TACC2: variants seen among roughly 807,000 people sequenced by gnomAD.
TACC2 encodes the protein transforming acidic coiled-coil containing protein 2, also known as transforming acidic coiled-coil-containing protein 2.
Under a neutral mutation model 227.3 loss-of-function variants are expected in TACC2, and 137 were observed. The ratio of observed to expected loss-of-function variants is 0.60; its 90% CI spans 0.52 to 0.69. The LOEUF is 0.69. TACC2 is among the 30% of genes least tolerant of loss of function. TACC2 has a pLI of 0.00. For synonymous variants in TACC2, 1,523 were observed against 1,487.5 expected, an observed-to-expected ratio of 1.02 and a Z score of -0.55; for missense variants, 3,470 against 3,694.4, an observed-to-expected ratio of 0.94 and a Z score of 1.57.
chr10:122,136,519 G>A (rs55698940), intron 6 of TACC2, among the ~76,000 whole-genome samples: 5 of 119,170 alleles, frequency 4.2e-5, no homozygotes, highest in Non-Finnish European at 9.4e-5. Context: ...ATATATATAT[G>A]TGTGTATGTA....
intron 2 of TACC2, among the ~76,000 whole-genome samples, chr10:122,031,211 G>A (rs900918632): frequency 2.6e-5 from 4 of 152,064 alleles, no homozygotes; most frequent in African/African-American, 9.7e-5. Context: ...CCCACAGAGA[G>A]GGTCTGGCTG....
chr10:122,192,725 G>A lies in TACC2; in HGVS notation c.5835-2315G>A, dbSNP rs187612812. ...AGGTGGTCCCCAGTGGAATGGGCCC[G>A]GTGGATGTGGACAGCGGTGACCAGC... On this transcript the variant is annotated intron_variant, in intron 7 of 22. Coordinates refer to ENST00000369005, the MANE Select transcript of TACC2 (RefSeq NM_206862.4). The A allele has an allele frequency of 1.4e-4, 63 of 456,692 alleles. 1 individual carries two copies. In the East Asian group the frequency reaches 3.8e-3, roughly 28 times the overall value. 28.3% of individuals were successfully genotyped at this position (456,692 alleles called of 1,614,324 possible). A position where few individuals can be genotyped will look rare whatever the true frequency, so the allele number is the denominator to read the frequency against.
At chr10:122,156,747 T>C (rs1007593435) in intron 7 of TACC2, among the ~76,000 whole-genome samples, 1 of 152,208 alleles carries the variant, frequency 6.6e-6, no homozygotes, top group Admixed American at 6.5e-5. Flanking sequence ...CTCCTCCTTC[T>C]TCCAGGTTTG....
rs1565393533 is a variant in TACC2, at chr10:122,132,709, GTCTCTACGGATCTGATA to G, written c.5675_5691del (p.Val1892GlyfsTer30). On this transcript the variant is annotated frameshift_variant, in exon 6 of 23. Coordinates refer to ENST00000369005, the MANE Select transcript of TACC2 (RefSeq NM_206862.4). LOFTEE classifies it high-confidence loss of function. ...CTACCACGGTGATGTTGTTGGCCAG[GTCTCTACGGATCTGATA>G]GCCCAGAGGTACGGTGGGGGCCCTG... is the stretch of plus-strand genomic sequence containing the variant. The G allele has an allele frequency of 6.2e-7, 1 of 1,614,190 alleles. No individual in the cohort carries two copies.
At position 122,083,151 on chromosome 10, in the gene TACC2, G is replaced by T; in HGVS notation, c.651G>T (p.Gly217=). 2 of 1,613,174 alleles carry T rather than the reference G, an allele frequency of 1.2e-6. No homozygotes were observed. Among genetic ancestry groups the T allele is most frequent in the Non-Finnish European group, 1.7e-6 (2 of 1,180,004 alleles). Residue 217 remains glycine (G), a synonymous_variant, in exon 4 of 23, where the codon GGG becomes GGT. Transcript: ENST00000369005. ...EPMKAPLCGE[G]DQPGGFESQE... is the part of the protein sequence containing the mutation. ...TGAAGGCACCGCTGTGTGGAGAGGG[G>T]GACCAGCCTGGTGGTTTTGAGTCCC...
chr10:122,005,091 T>A (rs1034564509), intron 1 of TACC2, among the ~76,000 whole-genome samples: 3 of 150,518 alleles, frequency 2.0e-5, no homozygotes, highest in Admixed American at 1.3e-4. Flanking sequence ...TTTATTTTAT[T>A]TTTTTTTTGA....
intron 1 of TACC2, among the ~76,000 whole-genome samples, chr10:122,005,683 CTTT>C (rs67744191): frequency 9.2e-5 from 10 of 108,386 alleles, no homozygotes; most frequent in African/African-American, 3.1e-4. Context: ...CGTGCCTGGC[CTTT>C]TTTTTTTTTT....
Position 122,087,442 on chromosome 10 carries a change from A to G in TACC2, c.4942A>G (p.Ser1648Gly). ...GGTTTTGACTGTGCCTGAGGCCAAC[A>G]GTGAGCCCTGGACCCTTGACACGCT... is the stretch of plus-strand genomic sequence containing the variant. The part of the protein sequence containing the change: ...REVLTVPEAN[S>G]EPWTLDTLGG... Residue 1648 changes from serine to glycine, a missense_variant, in exon 4 of 23, where the codon AGT (serine) becomes GGT (glycine). Coordinates refer to ENST00000369005, the MANE Select transcript of TACC2 (RefSeq NM_206862.4). 2.5e-6 allele frequency: 4 copies of G among 1,614,046 alleles called. No individual in the cohort carries two copies. Among genetic ancestry groups the G allele is most frequent in the East Asian group, 2.2e-5 (1 of 44,870 alleles).
intron 3 of TACC2, among the ~76,000 whole-genome samples, chr10:122,061,730 T>A (rs373212243): frequency 6.6e-6 from 1 of 152,030 alleles, no homozygotes; most frequent in African/African-American, 2.4e-5. Context: ...GAGCAAGATG[T>A]CCAGTCCAGT....
intron 8 of TACC2, among the ~76,000 whole-genome samples, chr10:122,197,388 G>A (rs114465034): frequency 0.02 from 3,069 of 152,360 alleles, 95 homozygotes; most frequent in African/African-American, 0.07. Flanking sequence ...GGGATTCCCA[G>A]TCCGACATCC....
chr10:122,190,739 C>A (rs1265860447), intron 7 of TACC2, among the ~76,000 whole-genome samples: 1 of 152,170 alleles, frequency 6.6e-6, no homozygotes, highest in Non-Finnish European at 1.5e-5. Flanking sequence ...TCTCAGGACT[C>A]TTCCCAGTGA....
intron 5 of TACC2, among the ~76,000 whole-genome samples, chr10:122,095,480 C>A (rs2137416010): frequency 6.6e-6 from 1 of 152,336 alleles, no homozygotes; most frequent in South Asian, 2.1e-4. Flanking sequence ...CACTCTGGGC[C>A]AATGTACTTC....
At chr10:122,021,787 A>G in intron 1 of TACC2, 150 bp from the exon 2 acceptor site, 1 of 589,494 alleles carries the variant, frequency 1.7e-6, no homozygotes, top group Non-Finnish European at 3.0e-6. Flanking sequence ...ATCACGAAAG[A>G]AAACCCTTCA....
chr10:122,177,379 G>T (rs1362501945), intron 7 of TACC2, among the ~76,000 whole-genome samples: 1 of 152,184 alleles, frequency 6.6e-6, no homozygotes, highest in Non-Finnish European at 1.5e-5. Context: ...TGAGATGTTT[G>T]TGCACAGGGC....
At chr10:122,119,901 A>G (rs894268816) in intron 5 of TACC2, among the ~76,000 whole-genome samples, 10 of 151,146 alleles carry the variant, frequency 6.6e-5, no homozygotes, top group Non-Finnish European at 1.2e-4. Flanking sequence ...CCTGGGCAAC[A>G]GAGTGAGACT....
chr10:122,086,281 C>G lies in TACC2; in HGVS notation c.3781C>G (p.Pro1261Ala). The change falls in exon 4 of 23, where the codon CCC becomes GCC. Residue 1261 changes from proline to alanine, a missense_variant. By Grantham distance (27) the Pro-to-Ala change is conservative. Around this residue, in one of 10 missense-constraint regions of TACC2, gnomAD observed 1,924 missense variants for 1,978.3 expected, o/e 0.97. Coordinates refer to ENST00000369005, the MANE Select transcript of TACC2 (RefSeq NM_206862.4). ...SGVKAVSSAD[P>A]RAPGESPCPV... ...AGTGAAAGCTGTTTCCTCTGCAGAC[C>G]CCAGAGCTCCTGGCGAAAGCCCCTG... 1 of 1,614,010 alleles carries G rather than the reference C, an allele frequency of 6.2e-7. No individual in the cohort carries two copies. Among genetic ancestry groups the G allele is most frequent in the Non-Finnish European group, 8.5e-7 (1 of 1,180,038 alleles).
chr10:122,236,341 GAAGC>G (rs2095856621), intron 16 of TACC2, among the ~76,000 whole-genome samples: 1 of 152,188 alleles, frequency 6.6e-6, no homozygotes, highest in Non-Finnish European at 1.5e-5. Context: ...CCCAAGGGAA[GAAGC>G]AGCCTACTCT....
At chr10:122,152,805 G>C (rs940499754) in intron 7 of TACC2, among the ~76,000 whole-genome samples, 2 of 152,124 alleles carry the variant, frequency 1.3e-5, no homozygotes, top group African/African-American at 4.8e-5. Context: ...CTCAGGGTGG[G>C]AACTGGGACC....
At chr10:122,247,233 A>G (rs2096144175) in intron 19 of TACC2, 1 of 152,418 alleles carries the variant, frequency 6.6e-6, no homozygotes, top group South Asian at 2.1e-4. Flanking sequence ...GGTGCCCGCC[A>G]CATGGAAGGG....
Sources: gnomAD v4.1 joint callset for allele counts (sites outside exome capture counted in the v4.1 genomes callset) on GRCh38, gnomAD v4.1.1 for gene constraint, gnomAD v4.1.1 regional missense constraint, MANE v1.5 for transcripts, NCBI Gene and HGNC (gene_info 2026-07-23, HGNC 2026-07-21) for gene names.